Variants in TLCD1 observed in about 807,000 individuals in gnomAD.
TLCD1 encodes the protein TLC domain containing 1.
TLCD1 carries 21 observed loss-of-function variants against 21.2 expected under a neutral mutation model. That is an observed-to-expected ratio of 0.99 (90% confidence interval 0.70 to 1.42). The LOEUF (loss-of-function observed/expected upper bound fraction) is 1.42, where lower values mean the gene tolerates loss of function less well. Among genes scored for constraint, TLCD1 ranks in the 40% most tolerant of loss-of-function variants. The pLI is 0.00. For synonymous variants in TLCD1, 168 were observed against 134.8 expected (o/e 1.25, Z -1.71); for missense variants, 344 against 330.3 (o/e 1.04, Z -0.32).
At chr17:28,724,916 G>A (rs1187971570) in intron 3 of TLCD1, 23 bp from the exon 4 acceptor site, 2 of 1,598,400 alleles carry the variant, frequency 1.3e-6, no homozygotes, top group Non-Finnish European at 8.5e-7. Context: ...AAGAATAGGA[G>A]TTAGGGAACC....
At chr17:28,726,268 C>G, upstream of TLCD1, 1 of 1,214,490 alleles carries the variant, frequency 8.2e-7, no homozygotes. Context: ...CCTGCGAGGC[C>G]TCTGCCCCCG....
intron 1 of TLCD1, 100 bp downstream of exon 1, chr17:28,725,804 T>G: frequency 6.8e-7 from 1 of 1,462,194 alleles, no homozygotes; most frequent in Non-Finnish European, 9.2e-7. Context: ...CTGCGTGGCC[T>G]CAGCCCGCCA....
chr17:28,726,853 C>T, upstream of TLCD1: 1 of 1,531,936 alleles, frequency 6.5e-7, no homozygotes, highest in Non-Finnish European at 8.8e-7. Context: ...GGCCGGGCGG[C>T]TGTCACAGTC....
rs372943291 is a variant in TLCD1 at position 28,726,035 on chromosome 17, C to T, written c.63G>A (p.Ala21=). 9.9e-5 allele frequency: 157 copies of T among 1,589,286 alleles called. No individual in the cohort carries two copies. Among genetic ancestry groups the T allele is most frequent in the Non-Finnish European group, 1.3e-4 (148 of 1,170,394 alleles). The change falls in exon 1 of 4, where the codon GCG becomes GCA. Residue 21 remains alanine (A), a synonymous_variant. Transcript: ENST00000292090. ...GCAGGCGACAGAGCGCGCGCCGGAGCGCCCGGAAGGTCAGCGTGGCGCCCA... is the reference window on the plus strand; with the variant it reads ...GCAGGCGACAGAGCGCGCGCCGGAGTGCCCGGAAGGTCAGCGTGGCGCCCA... ...LLLGATLTFR[A]LRRALCRLPL...
In TLCD1 at chr17:28,724,687, G is replaced by A. The variant is rs2034182044; in HGVS notation, c.567C>T (p.Tyr189=). ...YFLFRLAPQA[Y]LTHFFLRYVN... ...CATAACGCAAGAAGAAATGGGTGAG[G>A]TAGGCCTGAGGGGCCAGGCGGAAGA... Residue 189 remains tyrosine (Y), a synonymous_variant, in exon 4 of 4, where the codon TAC becomes TAT. Coordinates refer to ENST00000292090, the MANE Select transcript of TLCD1 (RefSeq NM_138463.4). The A allele has an allele frequency of 6.2e-7, 1 of 1,614,142 alleles. No individual in the cohort carries two copies. The highest frequency in any genetic ancestry group is 1.1e-5 in the South Asian group (1 of 91,082).
At position 28,724,815 on chromosome 17, in the gene TLCD1, T is replaced by C. The variant is rs2151726726; in HGVS notation, c.439A>G (p.Ser147Gly). Residue 147 changes from serine (S) to glycine (G), a missense_variant, in exon 4 of 4, where the codon AGC (serine) becomes GGC (glycine). Coordinates refer to ENST00000292090, the MANE Select transcript of TLCD1 (RefSeq NM_138463.4). ...GGVLTLLVEV[S>G]NIFLTIRMMM... is the part of the protein sequence containing the mutation. ...ATGCGAATGGTGAGGAAGATGTTGC[T>C]GACTTCCACCAGTAGTGTTAAGACA... The C allele has an allele frequency of 3.7e-6, 6 of 1,614,066 alleles. No individual in the cohort carries two copies. The East Asian group carries it at 1.1e-4, about 30-fold the overall frequency.
chr17:28,725,780 G>C, intron 1 of TLCD1, 124 bp downstream of exon 1: 10 of 1,326,034 alleles, frequency 7.5e-6, no homozygotes, highest in East Asian at 2.5e-5. Context: ...GATACCAAAC[G>C]GGATCAGGTG....
At chr17:28,725,641 CCG>C in intron 1 of TLCD1, 78 bp from the exon 2 acceptor site, 2 of 1,482,286 alleles carry the variant, frequency 1.3e-6, no homozygotes, top group African/African-American at 2.8e-5. Context: ...CTTCGCAGCC[CCG>C]GGGGATCCTG....
At chr17:28,727,502 G>C (rs999770234), upstream of TLCD1, 3 of 152,574 alleles carry the variant, frequency 2.0e-5, no homozygotes, top group African/African-American at 4.8e-5. Context: ...CCTTGCGAGA[G>C]CCAGGACAGG....
In TLCD1 at chr17:28,726,220, G is replaced by T; in HGVS notation, c.-123C>A. 1 of 1,365,108 alleles carries T rather than the reference G, an allele frequency of 7.3e-7. No individual in the cohort carries two copies. The allele number at this position is 1,365,108 out of a possible 1,614,324, so 84.6% of individuals were successfully genotyped here. A position where few individuals can be genotyped will look rare whatever the true frequency, so the allele number is the denominator to read the frequency against. On this transcript the variant is annotated 5_prime_UTR_variant, in exon 1 of 4. Transcript: ENST00000292090. ...GCCGGCCGCCAGCCCCACACAGTTG[G>T]CGAAGCCCTCTAGGCCCCTTGGCTC...
chr17:28,726,171 CA>C lies in TLCD1; in HGVS notation c.-75del, dbSNP rs2034224928. 7.3e-7 allele frequency: 1 copy of C among 1,378,410 alleles called. No homozygotes were observed. The highest frequency in any genetic ancestry group is 1.5e-5 in the African/African-American group (1 of 64,960). The allele number at this position is 1,378,410 out of a possible 1,614,324, so 85.4% of individuals were successfully genotyped here. ...CTGGGAACCGGGATCCCTCTCGGGC[CA>C]GTCCAGGCCGGCCGCCTCTCCCGCC... On this transcript the variant is annotated 5_prime_UTR_variant, in exon 1 of 4. Transcript: ENST00000292090.
chr17:28,724,456 A>T lies in TLCD1; in HGVS notation c.*54T>A, dbSNP rs2034174735. On this transcript the variant is annotated 3_prime_UTR_variant, in exon 4 of 4. Coordinates refer to ENST00000292090, the MANE Select transcript of TLCD1 (RefSeq NM_138463.4). ...GGCTTGGGGCTAAGTCCCAGTGTCC[A>T]TATGAAGCTGTTTCTGGCCTTGTCC... is the stretch of plus-strand genomic sequence containing the variant. 8 of 1,581,696 alleles carry T rather than the reference A, an allele frequency of 5.1e-6. No homozygotes were observed. The highest frequency in any genetic ancestry group is 6.9e-6 in the Non-Finnish European group (8 of 1,163,388).
chr17:28,725,399 TG>T lies in TLCD1; in HGVS notation c.278-14del. ...TGGATGAAATACCCTAGTGGAGGGA[TG>T]GGGCAAGAGATCATGAACTGAACAA... On this transcript the variant is annotated splice_polypyrimidine_tract_variant and intron_variant, in intron 2 of 3. Transcript: ENST00000292090. 1 of 1,614,136 alleles carries T rather than the reference TG, an allele frequency of 6.2e-7. No individual in the cohort carries two copies. The highest frequency in any genetic ancestry group is 8.5e-7 in the Non-Finnish European group (1 of 1,180,020).
rs200353201 is a variant in TLCD1 at position 28,724,872 on chromosome 17, C to T, written c.382G>A (p.Gly128Ser). 1.8e-5 allele frequency: 29 copies of T among 1,613,358 alleles called. No homozygotes were observed. The East Asian group carries it at 2.0e-4, about 11-fold the overall frequency. Residue 128 changes from glycine to serine, a missense_variant, in exon 4 of 4, where the codon GGC (glycine) becomes AGC (serine). Physicochemically the swap from Gly to Ser is moderately conservative, Grantham distance 56. Coordinates refer to ENST00000292090, the MANE Select transcript of TLCD1 (RefSeq NM_138463.4). Reference sequence around the variant, plus strand: ...CCGACAAAGCTGCTCCAAAAGATGCCGGAGAAGAAGGCACCCATGGCCTAG... The same window carrying T: ...CCGACAAAGCTGCTCCAAAAGATGCTGGAGAAGAAGGCACCCATGGCCTAG... ...HVMAMGAFFS[G>S]IFWSSFVGGG... is the part of the protein sequence containing the mutation.
At chr17:28,725,246 G>C in intron 3 of TLCD1, 58 bp downstream of exon 3, 3 of 1,575,420 alleles carry the variant, frequency 1.9e-6, no homozygotes, top group Non-Finnish European at 2.6e-6. Flanking sequence ...CAGAAAGACG[G>C]AGCTGAGACT....
chr17:28,726,286 C>CCGCCCG, upstream of TLCD1: 1 of 1,162,514 alleles, frequency 8.6e-7, no homozygotes, highest in Non-Finnish European at 1.1e-6. Context: ...CCGCCCCCAG[C>CCGCCCG]CGCCCGCGCC....
chr17:28,725,317 A>G lies in TLCD1; in HGVS notation c.347T>C (p.Val116Ala). 1.2e-6 allele frequency: 2 copies of G among 1,614,126 alleles called. No individual in the cohort carries two copies. Among genetic ancestry groups the G allele is most frequent in the East Asian group, 4.5e-5 (2 of 44,890 alleles). ...CTTCTCTCTTACCATGACGTGATGG[A>G]CAAGGTATTCCCAAGAGGCTCGCGT... The part of the protein sequence containing the change: ...GQTRASWEYL[V>A]HHVMAMGAFF... The change falls in exon 3 of 4, where the codon GTC becomes GCC. Residue 116 changes from valine (V) to alanine (A), a missense_variant. Transcript: ENST00000292090.
chr17:28,724,594 G>A lies in TLCD1; in HGVS notation c.660C>T (p.Ile220=). ...CAGAGCGGAGGAGGCGGGAAAAGTA[G>A]ATTATGATCATCACGTCCAGCATGA... ...ILLMLDVMII[I]YFSRLLRSDF... Residue 220 remains isoleucine (I), a synonymous_variant, in exon 4 of 4, where the codon ATC becomes ATT. Transcript: ENST00000292090. The A allele has an allele frequency of 6.2e-7, 1 of 1,614,186 alleles. No individual in the cohort carries two copies. Among genetic ancestry groups the A allele is most frequent in the South Asian group, 1.1e-5 (1 of 91,080 alleles).
chr17:28,727,163 T>C (rs981095763), upstream of TLCD1: 2 of 273,228 alleles, frequency 7.3e-6, no homozygotes, highest in African/African-American at 4.8e-5. Flanking sequence ...GAGAAGAGGG[T>C]AGTAATAGAG....
Sources: allele counts gnomAD v4.1 joint callset, GRCh38; gene constraint gnomAD v4.1.1; transcripts MANE v1.5; gene names NCBI Gene and HGNC (gene_info 2026-07-23, HGNC 2026-07-21).